Variants in LAMA4 observed in about 807,000 individuals in gnomAD.
LAMA4 encodes laminin subunit alpha 4.
LAMA4 carries 127 observed loss-of-function variants against 207.1 expected under a neutral mutation model. That is an observed-to-expected ratio of 0.61 (90% CI 0.53 to 0.71). The LOEUF is 0.71. Among genes scored for constraint, LAMA4 ranks in the 30% least tolerant of loss-of-function variants. The pLI, the probability that LAMA4 is intolerant of heterozygous loss-of-function variation, is 0.00. For synonymous variants in LAMA4, 761 were observed against 816.0 expected (o/e 0.93, Z 1.15); for missense variants, 2,093 against 2,246.5 (o/e 0.93, Z 1.38).
At chr6:112,147,104 A>AT (rs1554334683) in intron 18 of LAMA4, among the ~76,000 whole-genome samples, 2 of 152,174 alleles carry the variant, frequency 1.3e-5, no homozygotes, top group African/African-American at 2.4e-5. Context: ...AACAATTTCA[A>AT]TTTTTTGAAA....
At position 112,137,052 on chromosome 6, in the gene LAMA4, G is replaced by A. The variant is rs184501956; in HGVS notation, c.3283-798C>T. ...GCAAATATGGATTTAAAAAAAGAAG[G>A]CCATTGCTGTATTGTTTTGAAACAC... On this transcript the variant is annotated intron_variant, in intron 24 of 38. Transcript: ENST00000230538. Among the ~76,000 whole-genome samples, 6 of 152,168 alleles carry A rather than the reference G, an allele frequency of 3.9e-5. No homozygotes were observed. In the East Asian group the frequency reaches 9.6e-4, roughly 24 times the overall value.
chr6:112,160,369 G>A (rs1370615695), intron 13 of LAMA4, among the ~76,000 whole-genome samples: 4 of 152,060 alleles, frequency 2.6e-5, no homozygotes, highest in African/African-American at 4.8e-5. Context: ...TGGTAACCCC[G>A]TTATTCATTC....
At chr6:112,197,249 G>C (rs377106007) in intron 5 of LAMA4, among the ~76,000 whole-genome samples, 47 of 152,278 alleles carry the variant, frequency 3.1e-4, no homozygotes, top group African/African-American at 1.1e-3. Context: ...GGAGTTTAAA[G>C]TGTGAGGTGG....
Position 112,165,242 on chromosome 6 carries a change from A to C in LAMA4, c.1586T>G (p.Val529Gly), listed in dbSNP as rs1554339594. 1 of 1,613,498 alleles carries C rather than the reference A, an allele frequency of 6.2e-7. No individual in the cohort carries two copies. The highest frequency in any genetic ancestry group is 1.7e-5 in the Admixed American group (1 of 60,018). Residue 529 changes from valine to glycine, a missense_variant, in exon 13 of 39, where the codon GTG (valine) becomes GGG (glycine). Physicochemically the swap from Val to Gly is moderately radical, Grantham distance 109. Coordinates refer to ENST00000230538, the MANE Select transcript of LAMA4 (RefSeq NM_001105206.3). ...QQERVREQME[V>G]VNMSLSTSAD... is the part of the protein sequence containing the mutation. ...AGATGTGCTCAGAGACATGTTCACC[A>C]CTTCCATTTGTTCCCTCACTCTTTC...
At chr6:112,131,957 T>C (rs1460918408) in intron 28 of LAMA4, among the ~76,000 whole-genome samples, 2 of 152,166 alleles carry the variant, frequency 1.3e-5, no homozygotes, top group Non-Finnish European at 2.9e-5. Flanking sequence ...ATTCTTGAAA[T>C]AACGTATCTT....
intron 6 of LAMA4, 123 bp downstream of exon 6, chr6:112,191,513 G>A: frequency 1.4e-6 from 1 of 738,922 alleles, no homozygotes; most frequent in East Asian, 2.7e-5. Context: ...AATGTACATT[G>A]CCCTGGGAAA....
chr6:112,136,019 A>T (rs1554331412), intron 25 of LAMA4, 104 bp downstream of exon 25: 2 of 1,022,180 alleles, frequency 2.0e-6, no homozygotes, highest in Non-Finnish European at 3.0e-6. Context: ...GAAAGTTCTC[A>T]GTTTATTTAC....
chr6:112,131,544 A>G (rs1197348016), intron 28 of LAMA4, among the ~76,000 whole-genome samples: 9 of 152,158 alleles, frequency 5.9e-5, no homozygotes, highest in African/African-American at 2.2e-4. Flanking sequence ...TTTTAAAAGC[A>G]AGTTAGCTCT....
Position 112,185,575 on chromosome 6 carries a change from G to T in LAMA4, c.967-228C>A, listed in dbSNP as rs112283791. On this transcript the variant is annotated intron_variant, in intron 8 of 38. Coordinates refer to ENST00000230538, the MANE Select transcript of LAMA4 (RefSeq NM_001105206.3). The stretch of plus-strand genomic sequence containing the variant: ...AAGCTCCACTCACTAGACCAGGGAT[G>T]CTGGTCAGGGGCTGGGTTGACCATG... 3.7e-3 allele frequency among the ~76,000 whole-genome samples: 571 copies of T among 152,280 alleles called. 8 individuals are homozygous for T. Among genetic ancestry groups the T allele is most frequent in the African/African-American group, 0.013 (528 of 41,546 alleles).
In LAMA4 at chr6:112,254,201, C is replaced by G; in HGVS notation, c.-51G>C. 5 of 1,608,886 alleles carry G rather than the reference C, an allele frequency of 3.1e-6. No homozygotes were observed. The highest frequency in any genetic ancestry group is 1.1e-5 in the South Asian group (1 of 90,016). On this transcript the variant is annotated 5_prime_UTR_variant, in exon 2 of 39. Coordinates refer to ENST00000230538, the MANE Select transcript of LAMA4 (RefSeq NM_001105206.3). ...CTTCCAGGGCTCGGGCGCTGTGGGTCTCCGTAGGTCTCCCGCGTGGTGCGG... is the reference window on the plus strand; with the variant it reads ...CTTCCAGGGCTCGGGCGCTGTGGGTGTCCGTAGGTCTCCCGCGTGGTGCGG...
At chr6:112,113,642 T>G (rs968546071) in intron 38 of LAMA4, among the ~76,000 whole-genome samples, 3 of 152,184 alleles carry the variant, frequency 2.0e-5, no homozygotes, top group Non-Finnish European at 4.4e-5. Flanking sequence ...CTGCAGCTGT[T>G]TTTGCAGTTC....
chr6:112,178,376 C>T, intron 9 of LAMA4, 144 bp from the exon 10 acceptor site: 1 of 677,268 alleles, frequency 1.5e-6, no homozygotes, highest in Non-Finnish European at 2.6e-6. Flanking sequence ...TGAAATCATC[C>T]CAAAAATAAT....
chr6:112,185,246 T>A lies in LAMA4; in HGVS notation c.1068A>T (p.Leu356Phe), dbSNP rs782214587. 6.3e-7 allele frequency: 1 copy of A among 1,598,674 alleles called. No individual in the cohort carries two copies. The highest frequency in any genetic ancestry group is 8.6e-7 in the Non-Finnish European group (1 of 1,166,054). The change falls in exon 9 of 39, where the codon TTA (leucine) becomes TTT (phenylalanine). Residue 356 changes from leucine (L) to phenylalanine (F), a missense_variant. This residue lies in a region of LAMA4 where 1,704 missense variants were observed against 1,788.4 expected (regional missense o/e 0.95). Coordinates refer to ENST00000230538, the MANE Select transcript of LAMA4 (RefSeq NM_001105206.3). ...MKSLLSDVEE[L>F]VEKENQASRK... ...ATACATACATACGTACCTTTTCAAC[T>A]AATTCCTCTACGTCAGACAGAAGGC...
In LAMA4 at chr6:112,108,262, G is replaced by T. The variant is rs587634158; in HGVS notation, c.*1175C>A. Among the ~76,000 whole-genome samples, 2 of 151,742 alleles carry T rather than the reference G, an allele frequency of 1.3e-5. No individual in the cohort carries two copies. Among genetic ancestry groups the T allele is most frequent in the Non-Finnish European group, 2.9e-5 (2 of 67,882 alleles). ...TCTCTTTTTCTGTCTTCTGAGTTGA[G>T]GTTTTTAGATATAATTCTTTTATTT... On this transcript the variant is annotated 3_prime_UTR_variant, in exon 39 of 39. Coordinates refer to ENST00000230538, the MANE Select transcript of LAMA4 (RefSeq NM_001105206.3).
In LAMA4 at chr6:112,189,168, G is replaced by A. The variant is rs782522788; in HGVS notation, c.756C>T (p.Thr252=). 8.1e-6 allele frequency: 13 copies of A among 1,613,982 alleles called. No homozygotes were observed. The highest frequency in any genetic ancestry group is 8.5e-7 in the Non-Finnish European group (1 of 1,179,930). The change falls in exon 7 of 39, where the codon ACC becomes ACT. Residue 252 remains threonine (T), a synonymous_variant. Transcript: ENST00000230538. The part of the protein sequence containing the change: ...NCGGGPCDSV[T]GECLEEGFEP... The stretch of plus-strand genomic sequence containing the variant: ...CAAAACCTTCTTCCAAGCATTCTCC[G>A]GTTACACTGTCACATGGGCCTCCCC...
At chr6:112,228,958 C>A (rs1160090926) in intron 2 of LAMA4, among the ~76,000 whole-genome samples, 2 of 152,132 alleles carry the variant, frequency 1.3e-5, no homozygotes, top group Non-Finnish European at 2.9e-5. Flanking sequence ...GATCTGGGGA[C>A]TATTCAGTGG....
intron 2 of LAMA4, among the ~76,000 whole-genome samples, chr6:112,235,592 G>T (rs1785860144): frequency 6.6e-6 from 1 of 152,024 alleles, no homozygotes; most frequent in African/African-American, 2.4e-5. Flanking sequence ...GTGTACAGGA[G>T]GAATACCAGA....
In LAMA4 at chr6:112,155,269, T is replaced by C. The variant is rs968235179; in HGVS notation, c.1959+296A>G. Reference sequence around the variant, plus strand: ...AAAAAATATAAATGAATGCATAAAGTATCTTCTCTATCAGCAAGAACTAAT... The same window carrying C: ...AAAAAATATAAATGAATGCATAAAGCATCTTCTCTATCAGCAAGAACTAAT... On this transcript the variant is annotated intron_variant, in intron 15 of 38. Transcript: ENST00000230538. 5 of 561,500 alleles carry C rather than the reference T, an allele frequency of 8.9e-6. No individual in the cohort carries two copies. In the African/African-American group the frequency reaches 9.4e-5, roughly 11 times the overall value. 34.8% of individuals were successfully genotyped at this position (561,500 alleles called of 1,614,324 possible).
chr6:112,167,935 C>T lies in LAMA4; in HGVS notation c.1552-2659G>A, dbSNP rs150056774. 7.7e-3 allele frequency among the ~76,000 whole-genome samples: 1,164 copies of T among 151,716 alleles called. 13 individuals are homozygous for T. The highest frequency in any genetic ancestry group is 0.054 in the Middle Eastern group (16 of 294). ...CAATCAAGAGTGACTCCACCAGGCG[C>T]GGTGGCTCACGCCTGTAATCCCAGC... is the stretch of plus-strand genomic sequence containing the variant. On this transcript the variant is annotated intron_variant, in intron 12 of 38. Coordinates refer to ENST00000230538, the MANE Select transcript of LAMA4 (RefSeq NM_001105206.3).
Sources: gnomAD v4.1 joint callset for allele counts (sites outside exome capture counted in the v4.1 genomes callset) on GRCh38, gnomAD v4.1.1 for gene constraint, gnomAD v4.1.1 regional missense constraint, MANE v1.5 for transcripts, NCBI Gene and HGNC (gene_info 2026-07-23, HGNC 2026-07-21) for gene names.